BCAS1: variants seen among roughly 807,000 people sequenced by gnomAD.
BCAS1 encodes the protein brain enriched myelin associated protein 1.
Under a neutral mutation model 65.4 loss-of-function variants are expected in BCAS1, and 46 were observed. The ratio of observed to expected loss-of-function variants is 0.70; its 90% CI spans 0.55 to 0.90. The LOEUF (loss-of-function observed/expected upper bound fraction) is 0.90, where lower values mean the gene tolerates loss of function less well. Among genes scored for constraint, BCAS1 ranks in the 40% least tolerant of loss-of-function variants. The pLI is 0.00. For missense variants in BCAS1, 793 were observed against 771.2 expected (o/e 1.03, Z -0.33); for synonymous variants, 298 against 293.5 (o/e 1.02, Z -0.16).
At chr20:54,032,275 A>G (rs1377554883) in intron 3 of BCAS1, among the ~76,000 whole-genome samples, 2 of 151,342 alleles carry the variant, frequency 1.3e-5, no homozygotes, top group African/African-American at 4.8e-5. Context: ...TCAGACAAGC[A>G]AATGCTAAGG....
At chr20:53,965,066 T>A (rs972275076) in intron 10 of BCAS1, among the ~76,000 whole-genome samples, 5 of 152,126 alleles carry the variant, frequency 3.3e-5, no homozygotes, top group South Asian at 2.1e-4. Context: ...AAATTGGTTT[T>A]AAAAAAAATC....
intron 1 of BCAS1, among the ~76,000 whole-genome samples, chr20:54,059,364 A>T (rs1601032368): frequency 6.6e-6 from 1 of 151,746 alleles, no homozygotes; most frequent in East Asian, 1.9e-4. Context: ...TGTAGATAGC[A>T]TTTTTTTCTC....
intron 3 of BCAS1, among the ~76,000 whole-genome samples, chr20:54,051,870 C>T (rs547867189): frequency 6.6e-6 from 1 of 152,160 alleles, no homozygotes; most frequent in African/African-American, 2.4e-5. Context: ...TCCAGAGTAG[C>T]TGGGATTACA....
intron 4 of BCAS1, among the ~76,000 whole-genome samples, chr20:54,016,050 G>T (rs1253119763): frequency 6.6e-6 from 1 of 152,164 alleles, no homozygotes; most frequent in African/African-American, 2.4e-5. Context: ...TATGGCACAG[G>T]AAGGCAGAGA....
At chr20:54,032,469 T>C (rs995756541) in intron 3 of BCAS1, among the ~76,000 whole-genome samples, 2 of 151,258 alleles carry the variant, frequency 1.3e-5, no homozygotes, top group African/African-American at 2.4e-5. Flanking sequence ...AATCGACACA[T>C]AGCAACACTA....
chr20:54,026,252 A>T (rs1263490792), intron 4 of BCAS1, among the ~76,000 whole-genome samples: 2 of 152,182 alleles, frequency 1.3e-5, no homozygotes, highest in Non-Finnish European at 2.9e-5. Context: ...CCATGTTCCT[A>T]ACACAAGCTC....
chr20:53,967,137 C>A (rs2090054761), intron 9 of BCAS1, 64 bp from the exon 10 acceptor site: 2 of 1,568,528 alleles, frequency 1.3e-6, no homozygotes, highest in African/African-American at 2.7e-5. Flanking sequence ...ACATGTTTTA[C>A]AAAGTGGGGT....
At chr20:53,977,252 T>A (rs1421771869) in intron 8 of BCAS1, among the ~76,000 whole-genome samples, 1 of 152,148 alleles carries the variant, frequency 6.6e-6, no homozygotes, top group Non-Finnish European at 1.5e-5. Flanking sequence ...GATTACAATT[T>A]GAGATGAGAT....
intron 4 of BCAS1, among the ~76,000 whole-genome samples, chr20:54,023,727 C>G (rs1191980974): frequency 6.6e-6 from 1 of 152,116 alleles, no homozygotes; most frequent in Non-Finnish European, 1.5e-5. Context: ...TTGTGGAAAC[C>G]CTTAAATGTC....
chr20:54,036,925 A>G lies in BCAS1; in HGVS notation c.143-7953T>C, dbSNP rs1200081063. Among the ~76,000 whole-genome samples, 3 of 151,416 alleles carry G rather than the reference A, an allele frequency of 2.0e-5. No individual in the cohort carries two copies. In the East Asian group the frequency reaches 5.8e-4, roughly 29 times the overall value. ...CAGGCAAGTTTCAGAAATGTTTATC[A>G]TTTTCAAAGTACCAAATATTCTCGT... is the stretch of plus-strand genomic sequence containing the variant. On this transcript the variant is annotated intron_variant, in intron 3 of 12. Transcript: ENST00000688948.
intron 4 of BCAS1, among the ~76,000 whole-genome samples, chr20:54,024,607 G>A (rs1262179733): frequency 2.0e-5 from 3 of 152,198 alleles, no homozygotes; most frequent in African/African-American, 7.2e-5. Context: ...GGAAATAAGC[G>A]TAGTTAGAGA....
chr20:54,025,913 C>T (rs754537813), intron 4 of BCAS1, among the ~76,000 whole-genome samples: 13 of 152,170 alleles, frequency 8.5e-5, no homozygotes, highest in Non-Finnish European at 1.8e-4. Flanking sequence ...AATCAGAAGG[C>T]TGTTTTGTTG....
intron 4 of BCAS1, among the ~76,000 whole-genome samples, chr20:54,006,500 A>G (rs927342233): frequency 1.3e-5 from 2 of 152,164 alleles, no homozygotes; most frequent in Admixed American, 6.5e-5. Context: ...ACCCGAGGTC[A>G]GGTGTTCAAG....
chr20:54,046,197 T>G (rs1185169588), intron 3 of BCAS1, among the ~76,000 whole-genome samples: 4 of 152,226 alleles, frequency 2.6e-5, no homozygotes. Flanking sequence ...CCAAAATGAT[T>G]GACTTAACCA....
intron 1 of BCAS1, among the ~76,000 whole-genome samples, chr20:54,060,891 T>C (rs988113948): frequency 1.3e-5 from 2 of 152,174 alleles, no homozygotes; most frequent in Non-Finnish European, 2.9e-5. Context: ...TTATTGTTAG[T>C]CAATGGAGGG....
chr20:54,017,558 G>C (rs2146005907), intron 4 of BCAS1, among the ~76,000 whole-genome samples: 1 of 152,042 alleles, frequency 6.6e-6, no homozygotes, highest in Admixed American at 6.6e-5. Context: ...ACCATGCTTG[G>C]CTAATTTTTG....
At position 54,028,866 on chromosome 20, in the gene BCAS1, C is replaced by T. The variant is rs929012785; in HGVS notation, c.249G>A (p.Glu83=). 1 of 1,614,004 alleles carries T rather than the reference C, an allele frequency of 6.2e-7. No homozygotes were observed. Among genetic ancestry groups the T allele is most frequent in the East Asian group, 2.2e-5 (1 of 44,860 alleles). ...ADANGKNLGK[E]AKPEAPAAKS... ...TAGCAGCTGGTGCCTCGGGTTTGGC[C>T]TCTTTCCCAAGATTCTTTCCGTTGG... Residue 83 remains glutamate, a synonymous_variant, in exon 4 of 13, where the codon GAG becomes GAA. Coordinates refer to ENST00000688948, the MANE Select transcript of BCAS1 (RefSeq NM_001366298.2).
At chr20:53,994,928 C>A (rs553948567) in intron 6 of BCAS1, 84 bp downstream of exon 6, 2 of 1,187,840 alleles carry the variant, frequency 1.7e-6, no homozygotes, top group African/African-American at 1.6e-5. Context: ...TATATGTATT[C>A]AAAAAACAAG....
chr20:54,002,678 T>C (rs953139077), intron 4 of BCAS1, among the ~76,000 whole-genome samples: 2 of 148,126 alleles, frequency 1.4e-5, no homozygotes, highest in African/African-American at 4.9e-5. Context: ...GTTCTAGGGG[T>C]GTAGCAGATC....
Sources: gnomAD v4.1 joint callset for allele counts (sites outside exome capture counted in the v4.1 genomes callset) on GRCh38, gnomAD v4.1.1 for gene constraint, MANE v1.5 for transcripts, NCBI Gene and HGNC (gene_info 2026-07-23, HGNC 2026-07-21) for gene names.